The following UGT2A1 variants were observed in gnomAD, a reference collection of about 807,000 sequenced individuals.
UGT2A1 encodes the protein UDP-glucuronosyltransferase 2A1.
UGT2A1 carries 61 observed loss-of-function variants against 45.4 expected under a neutral mutation model. The observed-to-expected ratio is 1.34, with a 90% CI of 1.09 to 1.66. UGT2A1 has a LOEUF of 1.66. UGT2A1 is among the 40% of genes most tolerant of loss of function. The pLI is 0.00. For synonymous variants in UGT2A1, 229 were observed against 196.2 expected, an observed-to-expected ratio of 1.17 and a Z score of -1.40; for missense variants, 649 against 574.3, an observed-to-expected ratio of 1.13 and a Z score of -1.33.
intron 3 of UGT2A1, among the ~76,000 whole-genome samples, chr4:69,632,803 G>A (rs1308227033): frequency 6.6e-6 from 1 of 151,442 alleles, no homozygotes; most frequent in South Asian, 2.1e-4. Flanking sequence ...CAGGAAAATC[G>A]CTTGAACCCA....
At position 69,589,563 on chromosome 4, in the gene UGT2A1, C is replaced by CA; in HGVS notation, c.1392dup (p.Val465CysfsTer16). On this transcript the variant is annotated frameshift_variant, in exon 7 of 7. Coordinates refer to ENST00000286604, the MANE Select transcript of UGT2A1 (RefSeq NM_001252275.3). LOFTEE classifies it high-confidence loss of function. ...TGCTTGGCTCCTTTGTGGCGCATGA[C>CA]AAACTCGATCCAGAAGACTGCTCGA... 6.2e-7 allele frequency: 1 copy of CA among 1,614,056 alleles called. No homozygotes were observed. The highest frequency in any genetic ancestry group is 8.5e-7 in the Non-Finnish European group (1 of 1,179,954).
Position 69,647,660 on chromosome 4 carries a change from A to G in UGT2A1, c.-16T>C, listed in dbSNP as rs184482512. ...TGTTTAACATGATGTGGCTTGATGC[A>G]GAAGATTTGATGAGATGTGAAGCAA... On this transcript the variant is annotated 5_prime_UTR_variant, in exon 2 of 7. Transcript: ENST00000286604. 3.1e-4 allele frequency: 465 copies of G among 1,496,016 alleles called. 1 individual carries two copies. The African/African-American group carries it at 5.9e-3, about 19-fold the overall frequency. 92.7% of individuals were successfully genotyped at this position (1,496,016 alleles called of 1,614,324 possible). A position where few individuals can be genotyped will look rare whatever the true frequency, so the allele number is the denominator to read the frequency against.
chr4:69,594,693 T>G lies in UGT2A1; in HGVS notation c.1088A>C (p.His363Pro), dbSNP rs1467249247. The part of the protein sequence containing the change: ...DWIPQNDLLG[H>P]PKTKAFITHG... ...AGTGATAAAAGCTTTGGTTTTGGGA[T>G]GTCCTAATTTGAGGATGGAGTGAGA... is the stretch of plus-strand genomic sequence containing the variant. The change falls in exon 6 of 7, where the codon CAT (histidine) becomes CCT (proline). Residue 363 changes from histidine to proline, a missense_variant. Coordinates refer to ENST00000286604, the MANE Select transcript of UGT2A1 (RefSeq NM_001252275.3). 12 of 1,612,678 alleles carry G rather than the reference T, an allele frequency of 7.4e-6. No homozygotes were observed. The highest frequency in any genetic ancestry group is 1.0e-5 in the Non-Finnish European group (12 of 1,179,302).
At chr4:69,619,956 A>G (rs1720647083) in intron 3 of UGT2A1, among the ~76,000 whole-genome samples, 1 of 152,022 alleles carries the variant, frequency 6.6e-6, no homozygotes, top group Non-Finnish European at 1.5e-5. Flanking sequence ...GCAAAAACTC[A>G]ATAAACTAAG....
At chr4:69,638,990 T>C (rs778037094) in intron 2 of UGT2A1, 2 of 1,613,014 alleles carry the variant, frequency 1.2e-6, no homozygotes, top group Admixed American at 3.3e-5. Context: ...TTTTAATCCT[T>C]TCACCAAAGG....
intron 2 of UGT2A1, among the ~76,000 whole-genome samples, chr4:69,638,186 G>C (rs945880105): frequency 6.6e-6 from 1 of 152,028 alleles, no homozygotes; most frequent in Non-Finnish European, 1.5e-5. Context: ...AGTGTCCCGA[G>C]TACTAAGAGA....
chr4:69,621,641 C>G (rs1409735923), intron 3 of UGT2A1, among the ~76,000 whole-genome samples: 1 of 151,752 alleles, frequency 6.6e-6, no homozygotes, highest in Non-Finnish European at 1.5e-5. Context: ...CCCAGCAATC[C>G]CATTCCTGGG....
rs142373037 is a variant in UGT2A1, at chr4:69,615,786, G to A, written c.848-16392C>T. On this transcript the variant is annotated intron_variant, in intron 3 of 6. Transcript: ENST00000286604. ...AATGCTGGTGAGGATATGGAAAAAG[G>A]GAACCCTTGTGCACTGTTGGTGGGA... is the stretch of plus-strand genomic sequence containing the variant. 7.2e-4 allele frequency among the ~76,000 whole-genome samples: 109 copies of A among 152,066 alleles called. No individual in the cohort carries two copies. The East Asian group carries it at 0.017, about 23-fold the overall frequency.
chr4:69,610,329 C>T (rs1719959583), intron 3 of UGT2A1, among the ~76,000 whole-genome samples: 1 of 151,894 alleles, frequency 6.6e-6, no homozygotes, highest in Admixed American at 6.6e-5. Flanking sequence ...TAGCATTTAC[C>T]CTCAGACATT....
At chr4:69,615,388 G>A (rs951976171) in intron 3 of UGT2A1, among the ~76,000 whole-genome samples, 6 of 151,910 alleles carry the variant, frequency 3.9e-5, no homozygotes, top group Admixed American at 3.9e-4. Flanking sequence ...AACCTCAACC[G>A]AAAAAGCTTC....
chr4:69,596,497 T>A, intron 4 of UGT2A1: 4 of 1,304,730 alleles, frequency 3.1e-6, no homozygotes, highest in South Asian at 2.2e-5. Flanking sequence ...TGTTGAACTG[T>A]CTGTCTTCTG....
chr4:69,635,849 A>AAGAGAG (rs760585451), intron 2 of UGT2A1, 27 bp from the exon 3 acceptor site: 1 of 118,514 alleles, frequency 8.4e-6, no homozygotes, highest in African/African-American at 4.0e-5. Flanking sequence ...AAAAAAAAAA[A>AAGAGAG]AGAGAGAGAG....
At chr4:69,631,399 T>C (rs1721378449) in intron 3 of UGT2A1, among the ~76,000 whole-genome samples, 2 of 152,110 alleles carry the variant, frequency 1.3e-5, no homozygotes, top group Admixed American at 1.3e-4. Flanking sequence ...TCCAAATGTT[T>C]AGAAAAATGC....
intron 3 of UGT2A1, among the ~76,000 whole-genome samples, chr4:69,612,836 A>C (rs1412863828): frequency 1.3e-5 from 2 of 151,744 alleles, no homozygotes; most frequent in Non-Finnish European, 2.9e-5. Context: ...CTTTTGGCTA[A>C]GTCCTCAAAA....
Position 69,594,621 on chromosome 4 carries a change from G to C in UGT2A1, c.1160C>G (p.Pro387Arg). The change falls in exon 6 of 7, where the codon CCT becomes CGT. Residue 387 changes from proline to arginine, a missense_variant. Pro to Arg is a moderately radical substitution (Grantham distance 103, BLOSUM62 -2). Transcript: ENST00000286604. Reference sequence around the variant, plus strand: ...AGCAAACATGGGAACTCCCACCATAGGGACTCCGTGGTAAATAGCTTCGTA... The same window carrying C: ...AGCAAACATGGGAACTCCCACCATACGGACTCCGTGGTAAATAGCTTCGTA... ...GIYEAIYHGV[P>R]MVGVPMFADQ... 6.2e-7 allele frequency: 1 copy of C among 1,614,112 alleles called. No individual in the cohort carries two copies.
intron 3 of UGT2A1, among the ~76,000 whole-genome samples, chr4:69,627,598 A>AAAAG (rs143064060): frequency 0.27 from 40,798 of 148,958 alleles, 5,815 homozygotes; most frequent in South Asian, 0.32. Flanking sequence ...AAGAAGAAAG[A>AAAAG]AAAGAAAGAA....
intron 3 of UGT2A1, among the ~76,000 whole-genome samples, chr4:69,625,015 G>A (rs183643184): frequency 1.4e-3 from 218 of 151,068 alleles, no homozygotes; most frequent in African/African-American, 5.0e-3. Context: ...AAAAAAATCA[G>A]CCTTTATTTT....
chr4:69,629,705 C>A (rs886819948), intron 3 of UGT2A1, among the ~76,000 whole-genome samples: 1 of 151,944 alleles, frequency 6.6e-6, no homozygotes, highest in Non-Finnish European at 1.5e-5. Context: ...GGAAGAGGAC[C>A]CCTGCAAGCT....
intron 3 of UGT2A1, among the ~76,000 whole-genome samples, chr4:69,608,528 A>G (rs1437956276): frequency 6.6e-6 from 1 of 152,030 alleles, no homozygotes; most frequent in African/African-American, 2.4e-5. Flanking sequence ...ACTAACCTGC[A>G]CGTTGTGTAC....
Sources: allele counts gnomAD v4.1 joint callset (sites outside exome capture counted in the v4.1 genomes callset), GRCh38; gene constraint gnomAD v4.1.1; transcripts MANE v1.5; gene names NCBI Gene and HGNC (gene_info 2026-07-23, HGNC 2026-07-21).